SUGCT: variants seen among roughly 807,000 people sequenced by gnomAD.
SUGCT encodes succinyl-CoA:glutarate CoA-transferase.
SUGCT carries 41 observed loss-of-function variants against 55.0 expected under a neutral mutation model. The observed-to-expected ratio is 0.74, with a 90% CI of 0.58 to 0.97. The LOEUF is 0.97. Among genes scored for constraint, SUGCT ranks in the 50% least tolerant of loss-of-function variants. The pLI is 0.00. For missense variants in SUGCT, 568 were observed against 547.8 expected (o/e 1.04, Z -0.37); for synonymous variants, 187 against 200.4 (o/e 0.93, Z 0.56).
chr7:40,710,488 A>G (rs1304138954), intron 12 of SUGCT, among the ~76,000 whole-genome samples: 1 of 150,486 alleles, frequency 6.6e-6, no homozygotes, highest in African/African-American at 2.5e-5. Flanking sequence ...CAGAGAACTT[A>G]TCTTTGGAGT....
intron 9 of SUGCT, among the ~76,000 whole-genome samples, chr7:40,445,859 T>G (rs542409467): frequency 6.6e-6 from 1 of 152,290 alleles, no homozygotes; most frequent in Admixed American, 6.5e-5. Context: ...ACCTGAATCT[T>G]TATAAAATCT....
chr7:40,227,986 G>T (rs563839740), intron 6 of SUGCT, among the ~76,000 whole-genome samples: 15 of 151,916 alleles, frequency 9.9e-5, no homozygotes, highest in African/African-American at 3.6e-4. Flanking sequence ...GGGTTCAAGC[G>T]ATTCTCCTGC....
intron 13 of SUGCT, among the ~76,000 whole-genome samples, chr7:40,848,165 A>G (rs993505803): frequency 1.3e-5 from 2 of 152,208 alleles, no homozygotes; most frequent in African/African-American, 4.8e-5. Context: ...AGAGGAGACC[A>G]ATTATTTCCA....
rs192729119 is a variant in SUGCT, at chr7:40,294,188, G to A, written c.720+19532G>A. 7.2e-5 allele frequency among the ~76,000 whole-genome samples: 11 copies of A among 152,268 alleles called. No individual in the cohort carries two copies. The East Asian group carries it at 2.1e-3, about 29-fold the overall frequency. On this transcript the variant is annotated intron_variant, in intron 8 of 13. Coordinates refer to ENST00000335693, the MANE Select transcript of SUGCT (RefSeq NM_001193313.2). ...GTCTTGCCTACTCCTGACCTCAGGT[G>A]ATCCGCCTGCCTCAGCCTCCCAAAG... is the stretch of plus-strand genomic sequence containing the variant.
chr7:40,393,778 T>C (rs1314337456), intron 9 of SUGCT, among the ~76,000 whole-genome samples: 4 of 152,146 alleles, frequency 2.6e-5, no homozygotes, highest in African/African-American at 9.7e-5. Flanking sequence ...GGTTGTACTT[T>C]TAGAGCATGT....
intron 7 of SUGCT, among the ~76,000 whole-genome samples, chr7:40,259,531 T>C (rs1040004508): frequency 6.6e-6 from 1 of 152,208 alleles, no homozygotes; most frequent in Non-Finnish European, 1.5e-5. Flanking sequence ...CATTCTACAA[T>C]GTGCATATGT....
intron 12 of SUGCT, among the ~76,000 whole-genome samples, chr7:40,572,466 T>A (rs1354773144): frequency 6.6e-6 from 1 of 150,686 alleles, no homozygotes; most frequent in African/African-American, 2.4e-5. Flanking sequence ...AGGTGAGGAG[T>A]TGGAGGGGAG....
the SUGCT span, among the ~76,000 whole-genome samples, chr7:40,961,918 G>T: frequency 6.6e-6 from 1 of 152,282 alleles, no homozygotes; most frequent in Non-Finnish European, 1.5e-5. Context: ...GCTCATAAAG[G>T]TAGTGCAGAC....
At chr7:40,353,904 T>C (rs1193567184) in intron 9 of SUGCT, among the ~76,000 whole-genome samples, 2 of 152,238 alleles carry the variant, frequency 1.3e-5, no homozygotes, top group Admixed American at 1.3e-4. Flanking sequence ...CATTATTTTC[T>C]GCTTTCATTT....
intron 7 of SUGCT, among the ~76,000 whole-genome samples, chr7:40,272,145 T>C (rs1333820107): frequency 0.14 from 203 of 1,470 alleles, 7 homozygotes; most frequent in African/African-American, 0.27. Flanking sequence ...ATGTGACATA[T>C]ATATATATAT....
intron 13 of SUGCT, among the ~76,000 whole-genome samples, chr7:40,807,096 A>G (rs1791142155): frequency 6.6e-6 from 1 of 152,244 alleles, no homozygotes; most frequent in Non-Finnish European, 1.5e-5. Flanking sequence ...TAGTGTTAGT[A>G]GTGGTAGTAG....
At chr7:40,370,483 A>G (rs1784240243) in intron 9 of SUGCT, among the ~76,000 whole-genome samples, 1 of 152,018 alleles carries the variant, frequency 6.6e-6, no homozygotes, top group Non-Finnish European at 1.5e-5. Context: ...AATTGAGGCT[A>G]TGGAAGGAAA....
chr7:40,898,445 G>A, the SUGCT span, among the ~76,000 whole-genome samples: 1 of 134,620 alleles, frequency 7.4e-6, no homozygotes, highest in Non-Finnish European at 1.6e-5. Context: ...CAGGGCATTG[G>A]GGCTCACGCC....
intron 7 of SUGCT, among the ~76,000 whole-genome samples, chr7:40,257,751 T>G (rs1159700697): frequency 2.0e-5 from 3 of 151,972 alleles, no homozygotes; most frequent in African/African-American, 4.8e-5. Context: ...GGTGGATGCT[T>G]GTAATCCTGC....
chr7:40,914,665 G>A, the SUGCT span, among the ~76,000 whole-genome samples: 1 of 152,300 alleles, frequency 6.6e-6, no homozygotes, highest in South Asian at 2.1e-4. Flanking sequence ...CAGCTTAGAA[G>A]TTGGCGTTTT....
chr7:40,918,800 C>T, the SUGCT span, among the ~76,000 whole-genome samples: 1 of 152,184 alleles, frequency 6.6e-6, no homozygotes, highest in Non-Finnish European at 1.5e-5. Flanking sequence ...TATTCAAATA[C>T]TCAAACAGCC....
Position 40,403,884 on chromosome 7 carries a change from A to C in SUGCT, c.817-45403A>C, listed in dbSNP as rs145799840. 3.0e-3 allele frequency among the ~76,000 whole-genome samples: 460 copies of C among 152,348 alleles called. 2 individuals carry two copies. The highest frequency in any genetic ancestry group is 5.1e-3 in the Non-Finnish European group (345 of 68,030). On this transcript the variant is annotated intron_variant, in intron 9 of 13. Coordinates refer to ENST00000335693, the MANE Select transcript of SUGCT (RefSeq NM_001193313.2). ...TTTGAGGATTAGTTTTGGAAGCAGCATCTGCTTCTGGGATTCTTTTTGACT... is the reference window on the plus strand; with the variant it reads ...TTTGAGGATTAGTTTTGGAAGCAGCCTCTGCTTCTGGGATTCTTTTTGACT...
At chr7:40,394,181 A>C (rs1483921792) in intron 9 of SUGCT, among the ~76,000 whole-genome samples, 1 of 151,442 alleles carries the variant, frequency 6.6e-6, no homozygotes, top group Non-Finnish European at 1.5e-5. Context: ...GAACTTAAAA[A>C]AAAATAATGA....
Position 40,510,356 on chromosome 7 carries a change from A to G in SUGCT, c.1089+13970A>G, listed in dbSNP as rs115298239. Among the ~76,000 whole-genome samples the G allele has an allele frequency of 7.6e-3, 1,165 of 152,296 alleles. 18 individuals carry two copies. The highest frequency in any genetic ancestry group is 0.026 in the African/African-American group (1,087 of 41,564). On this transcript the variant is annotated intron_variant, in intron 12 of 13. Coordinates refer to ENST00000335693, the MANE Select transcript of SUGCT (RefSeq NM_001193313.2). ...TACTTTCCTTAAATATCATTTTTCT[A>G]TATAAGGCATTTGATAGTTATCTAG...
Sources: allele counts gnomAD v4.1 joint callset (sites outside exome capture counted in the v4.1 genomes callset), GRCh38; gene constraint gnomAD v4.1.1; transcripts MANE v1.5; gene names NCBI Gene and HGNC (gene_info 2026-07-23, HGNC 2026-07-21).